Variants in TCF4 observed in about 807,000 individuals in gnomAD.
TCF4 encodes the protein SL3-3 enhancer factor 2.
In TCF4, 3 loss-of-function variants were observed where a neutral mutation model predicts 82.1. That is an observed-to-expected ratio of 0.04 (90% CI 0.02 to 0.09). TCF4 has a LOEUF of 0.09. Among genes scored for constraint, TCF4 ranks in the 10% least tolerant of loss-of-function variants. The pLI, the probability that TCF4 is intolerant of heterozygous loss-of-function variation, is 1.00. For synonymous variants in TCF4, 276 were observed against 309.6 expected (o/e 0.89, Z 1.14); for missense variants, 518 against 852.7 (o/e 0.61, Z 4.89).
At chr18:55,617,311 G>A (rs1355533881) in intron 2 of TCF4, among the ~76,000 whole-genome samples, 1 of 151,984 alleles carries the variant, frequency 6.6e-6, no homozygotes, top group Non-Finnish European at 1.5e-5. Flanking sequence ...TTTTATACCA[G>A]TACCATACTG....
At chr18:55,556,879 A>G (rs1298983104) in intron 3 of TCF4, among the ~76,000 whole-genome samples, 2 of 152,200 alleles carry the variant, frequency 1.3e-5, no homozygotes, top group Admixed American at 1.3e-4. Flanking sequence ...AGTCACATTG[A>G]CAGGTTAATA....
Position 55,228,029 on chromosome 18 carries a change from A to G in TCF4, c.*6T>C. The G allele has an allele frequency of 1.5e-6, 1 of 652,478 alleles. No homozygotes were observed. The highest frequency in any genetic ancestry group is 2.5e-6 in the Non-Finnish European group (1 of 398,488). The allele number at this position is 652,478 out of a possible 1,614,324, so 40.4% of individuals were successfully genotyped here. A position where few individuals can be genotyped will look rare whatever the true frequency, so the allele number is the denominator to read the frequency against. On this transcript the variant is annotated splice_region_variant and 3_prime_UTR_variant, in exon 20 of 20. Transcript: ENST00000354452. ...TTAATGAAGCAATGTGGCAACTTGGACCTGAGAAAGGAAAAAAGAGAGAAA... is the reference window on the plus strand; with the variant it reads ...TTAATGAAGCAATGTGGCAACTTGGGCCTGAGAAAGGAAAAAAGAGAGAAA...
chr18:55,318,598 T>G (rs1568966142), intron 8 of TCF4, among the ~76,000 whole-genome samples: 1 of 152,156 alleles, frequency 6.6e-6, no homozygotes, highest in Non-Finnish European at 1.5e-5. Context: ...TATCCAAAAT[T>G]TATTCTTTGA....
At chr18:55,523,905 AT>A (rs1170361800) in intron 3 of TCF4, among the ~76,000 whole-genome samples, 1 of 152,162 alleles carries the variant, frequency 6.6e-6, no homozygotes, top group Admixed American at 6.6e-5. Flanking sequence ...AAAATGAAAA[AT>A]ACCACCAATA....
chr18:55,423,800 C>T (rs182963202), intron 5 of TCF4, among the ~76,000 whole-genome samples: 47 of 151,404 alleles, frequency 3.1e-4, no homozygotes, highest in Non-Finnish European at 5.2e-4. Flanking sequence ...GGGCGCTGCG[C>T]CCCTCTCGCC....
At position 55,327,045 on chromosome 18, in the gene TCF4, C is replaced by G. The variant is rs1264791464; in HGVS notation, c.549+23314G>C. 2.0e-5 allele frequency among the ~76,000 whole-genome samples: 3 copies of G among 152,142 alleles called. No individual in the cohort carries two copies. In the East Asian group the frequency reaches 5.8e-4, roughly 29 times the overall value. On this transcript the variant is annotated intron_variant, in intron 8 of 19. Coordinates refer to ENST00000354452, the MANE Select transcript of TCF4 (RefSeq NM_001083962.2). Reference sequence around the variant, plus strand: ...TTCTGATGACAATAACTTGAGACAGCCTTGCAATTTAATAATGAACACCAA... The same window carrying G: ...TTCTGATGACAATAACTTGAGACAGGCTTGCAATTTAATAATGAACACCAA...
chr18:55,355,783 A>G (rs2144977970), intron 6 of TCF4, among the ~76,000 whole-genome samples: 1 of 152,352 alleles, frequency 6.6e-6, no homozygotes, highest in South Asian at 2.1e-4. Context: ...TGTGCTGCAG[A>G]GAAATACAAA....
intron 3 of TCF4, among the ~76,000 whole-genome samples, chr18:55,546,602 G>A (rs1342764689): frequency 6.6e-6 from 1 of 152,028 alleles, no homozygotes; most frequent in Non-Finnish European, 1.5e-5. Context: ...AACAAAAGAG[G>A]GCCTGGAGAA....
chr18:55,621,901 T>C (rs1489485511), intron 2 of TCF4, among the ~76,000 whole-genome samples: 7 of 101,762 alleles, frequency 6.9e-5, no homozygotes, highest in Non-Finnish European at 8.7e-5. Context: ...ATATATTATA[T>C]ATACACTATA....
At chr18:55,447,855 T>C (rs1205892005) in intron 5 of TCF4, among the ~76,000 whole-genome samples, 8 of 152,182 alleles carry the variant, frequency 5.3e-5, no homozygotes, top group Admixed American at 4.6e-4. Flanking sequence ...CTGCTTATGA[T>C]ACAACCAAAG....
chr18:55,554,687 C>A (rs888795713), intron 3 of TCF4, among the ~76,000 whole-genome samples: 1 of 152,158 alleles, frequency 6.6e-6, no homozygotes, highest in Non-Finnish European at 1.5e-5. Context: ...CTGCCATATA[C>A]AATGTGCATG....
rs112211730 is a variant in TCF4 at position 55,385,561 on chromosome 18, C to A, written c.369+17893G>T. Among the ~76,000 whole-genome samples the A allele has an allele frequency of 4.6e-3, 696 of 152,212 alleles. 4 individuals carry two copies. The highest frequency in any genetic ancestry group is 0.016 in the African/African-American group (652 of 41,512). ...GGATTATAGGCGTGAGCCACCACAC[C>A]CTGCTAATTTTGTATTTTTAGTAGA... is the stretch of plus-strand genomic sequence containing the variant. On this transcript the variant is annotated intron_variant, in intron 6 of 19. Coordinates refer to ENST00000354452, the MANE Select transcript of TCF4 (RefSeq NM_001083962.2).
chr18:55,437,777 T>G (rs1333175404), intron 5 of TCF4, among the ~76,000 whole-genome samples: 2 of 152,176 alleles, frequency 1.3e-5, no homozygotes, highest in Non-Finnish European at 2.9e-5. Context: ...GTTGAAGAAC[T>G]GCAAAGTGCA....
chr18:55,461,096 G>T lies in TCF4; in HGVS notation c.227C>A (p.Pro76His), dbSNP rs759745539. 1.9e-6 allele frequency: 3 copies of T among 1,612,996 alleles called. No homozygotes were observed. The highest frequency in any genetic ancestry group is 1.7e-6 in the Non-Finnish European group (2 of 1,179,326). ...SPSRNYGDGT[P>H]YDHMTSRDLG... ...GTCCCTGCTGGTCATGTGGTCATAG[G>T]GAGTCCCATCTCCATAGTTCTGTAA... The change falls in exon 5 of 20, where the codon CCC becomes CAC. Residue 76 changes from proline to histidine, a missense_variant. Pro to His is a moderately conservative substitution (Grantham distance 77). Coordinates refer to ENST00000354452, the MANE Select transcript of TCF4 (RefSeq NM_001083962.2).
chr18:55,504,841 T>C (rs975048780), intron 3 of TCF4, among the ~76,000 whole-genome samples: 2 of 152,260 alleles, frequency 1.3e-5, no homozygotes, highest in South Asian at 2.1e-4. Flanking sequence ...CTCTCCCATA[T>C]TTGGCAGAAA....
intron 8 of TCF4, among the ~76,000 whole-genome samples, chr18:55,349,705 T>G: frequency 6.6e-6 from 1 of 152,060 alleles, no homozygotes; most frequent in Non-Finnish European, 1.5e-5. Context: ...TGATATCATG[T>G]ATTGAGTTGT....
chr18:55,300,488 GCA>G (rs1405744507), intron 8 of TCF4, among the ~76,000 whole-genome samples: 5 of 152,078 alleles, frequency 3.3e-5, no homozygotes, highest in Admixed American at 2.0e-4. Context: ...CACAAGCGAA[GCA>G]CATTAGCAAC....
At chr18:55,343,259 C>T (rs2080407729) in intron 8 of TCF4, among the ~76,000 whole-genome samples, 1 of 152,120 alleles carries the variant, frequency 6.6e-6, no homozygotes, top group Non-Finnish European at 1.5e-5. Flanking sequence ...TGGCAACACA[C>T]TGAGAAATTT....
intron 15 of TCF4, among the ~76,000 whole-genome samples, chr18:55,241,303 T>G (rs1414855368): frequency 2.0e-5 from 3 of 152,188 alleles, no homozygotes; most frequent in Non-Finnish European, 4.4e-5. Context: ...TCCTATACAG[T>G]GGAAACCATA....
Sources: allele counts gnomAD v4.1 joint callset (sites outside exome capture counted in the v4.1 genomes callset), GRCh38; gene constraint gnomAD v4.1.1; transcripts MANE v1.5; gene names NCBI Gene and HGNC (gene_info 2026-07-23, HGNC 2026-07-21).